The following SERINC5 variants were observed in gnomAD, a reference collection of about 807,000 sequenced individuals.
SERINC5 encodes the protein chromosome 5 open reading frame 12.
A neutral mutation model predicts 63.1 loss-of-function variants in SERINC5; 41 were observed. The observed-to-expected ratio is 0.65, with a 90% CI of 0.51 to 0.84. SERINC5 has a LOEUF of 0.84. Ranked by LOEUF, SERINC5 falls within the 40% of genes least tolerant of loss-of-function variation. The pLI is 0.00. For missense variants in SERINC5, 523 were observed against 573.0 expected, an observed-to-expected ratio of 0.91 and a Z score of 0.89; for synonymous variants, 222 against 215.2, an observed-to-expected ratio of 1.03 and a Z score of -0.28.
At chr5:80,119,486 A>T (rs1744458202) in intron 11 of SERINC5, among the ~76,000 whole-genome samples, 1 of 152,242 alleles carries the variant, frequency 6.6e-6, no homozygotes, top group African/African-American at 2.4e-5. Context: ...GTCAGCAGAG[A>T]ACAGGGCCAC....
At chr5:80,129,897 G>A (rs554472249) in intron 11 of SERINC5, among the ~76,000 whole-genome samples, 135 of 152,254 alleles carry the variant, frequency 8.9e-4, no homozygotes, top group Non-Finnish European at 1.5e-3. Context: ...AAATGTGCCA[G>A]GCAATTTAAG....
chr5:80,150,361 C>A (rs888471973), intron 9 of SERINC5, among the ~76,000 whole-genome samples: 2 of 152,204 alleles, frequency 1.3e-5, no homozygotes, highest in Admixed American at 6.5e-5. Context: ...AGCTTTCTTA[C>A]AGAAAATCAA....
At chr5:80,167,613 T>C (rs146049810) in intron 6 of SERINC5, among the ~76,000 whole-genome samples, 28 of 152,278 alleles carry the variant, frequency 1.8e-4, no homozygotes, top group South Asian at 8.3e-4. Flanking sequence ...CTAATGATAG[T>C]TTTGTTTTTA....
intron 1 of SERINC5, among the ~76,000 whole-genome samples, chr5:80,213,151 C>T (rs571532752): frequency 6.6e-6 from 1 of 150,524 alleles, no homozygotes; most frequent in Non-Finnish European, 1.5e-5. Flanking sequence ...GAGGCTGAGG[C>T]AGGAGAATCG....
At chr5:80,198,867 A>G (rs1277712082) in intron 2 of SERINC5, among the ~76,000 whole-genome samples, 1 of 152,220 alleles carries the variant, frequency 6.6e-6, no homozygotes, top group Non-Finnish European at 1.5e-5. Context: ...ATTTGTAAAT[A>G]GGTACATTCA....
At chr5:80,159,242 T>C (rs1746732714) in intron 7 of SERINC5, among the ~76,000 whole-genome samples, 1 of 151,822 alleles carries the variant, frequency 6.6e-6, no homozygotes, top group Admixed American at 6.6e-5. Flanking sequence ...AAGGAAAGAG[T>C]CTTGCTCGAA....
At chr5:80,190,675 T>G (rs545027049) in intron 2 of SERINC5, among the ~76,000 whole-genome samples, 18 of 152,222 alleles carry the variant, frequency 1.2e-4, no homozygotes, top group Non-Finnish European at 2.5e-4. Context: ...AGTATTTTCA[T>G]GGTTAATTCG....
intron 2 of SERINC5, among the ~76,000 whole-genome samples, chr5:80,201,103 C>A (rs199856068): frequency 6.6e-6 from 1 of 151,652 alleles, no homozygotes; most frequent in Non-Finnish European, 1.5e-5. Context: ...CATCCACCAC[C>A]CCCCCACAAA....
intron 2 of SERINC5, among the ~76,000 whole-genome samples, chr5:80,196,342 T>TA (rs1382669421): frequency 2.0e-5 from 3 of 151,556 alleles, no homozygotes; most frequent in Non-Finnish European, 2.9e-5. Context: ...GCGACTAAAA[T>TA]AAAAAAAAGA....
At chr5:80,241,425 C>T (rs557120135) in intron 1 of SERINC5, among the ~76,000 whole-genome samples, 5 of 152,022 alleles carry the variant, frequency 3.3e-5, no homozygotes, top group Non-Finnish European at 7.4e-5. Flanking sequence ...GCCAAAATCG[C>T]GCCACTGCAC....
chr5:80,161,683 G>A (rs530188490), intron 7 of SERINC5, among the ~76,000 whole-genome samples: 5 of 152,198 alleles, frequency 3.3e-5, no homozygotes, highest in Non-Finnish European at 7.4e-5. Context: ...TATTTCTTTT[G>A]CTGTACAGAA....
intron 1 of SERINC5, among the ~76,000 whole-genome samples, chr5:80,236,796 G>A (rs1360730935): frequency 6.6e-5 from 10 of 151,872 alleles, no homozygotes; most frequent in Admixed American, 6.6e-4. Context: ...CAAAGTGCTG[G>A]GATTACAGGC....
At position 80,184,549 on chromosome 5, in the gene SERINC5, A is replaced by G. The variant is rs191012979; in HGVS notation, c.196-6485T>C. On this transcript the variant is annotated intron_variant, in intron 2 of 11. Transcript: ENST00000507668. ...TTGACACTGTATATTCATCAAAAAC[A>G]GGTAAACAACCCCCCTGCTCCAAAT... 6.1e-3 allele frequency among the ~76,000 whole-genome samples: 931 copies of G among 152,310 alleles called. 8 individuals carry two copies. The highest frequency in any genetic ancestry group is 0.01 in the Non-Finnish European group (713 of 68,026).
rs77143370 is a variant in SERINC5, at chr5:80,216,101, A to T, written c.28-13048T>A. Among the ~76,000 whole-genome samples, 874 of 152,292 alleles carry T rather than the reference A, an allele frequency of 5.7e-3. 6 individuals are homozygous for T. Among genetic ancestry groups the T allele is most frequent in the African/African-American group, 0.02 (836 of 41,546 alleles). ...AGGTTTGAGGTTGAGGGTAAACAAC[A>T]TCCCTTCTGACAGCTCAACAGAAAA... On this transcript the variant is annotated intron_variant, in intron 1 of 11. Coordinates refer to ENST00000507668, the MANE Select transcript of SERINC5 (RefSeq NM_001174072.3).
At chr5:80,175,621 C>T (rs527775564) in intron 4 of SERINC5, among the ~76,000 whole-genome samples, 9 of 152,006 alleles carry the variant, frequency 5.9e-5, no homozygotes, top group Non-Finnish European at 1.3e-4. Context: ...GCAATCCTAG[C>T]ACTTTGGGAG....
chr5:80,120,315 T>G (rs931199757), intron 11 of SERINC5, among the ~76,000 whole-genome samples: 3 of 152,208 alleles, frequency 2.0e-5, no homozygotes, highest in Non-Finnish European at 4.4e-5. Flanking sequence ...GGAACAGATA[T>G]GCCTCCTCCA....
intron 9 of SERINC5, among the ~76,000 whole-genome samples, chr5:80,149,362 G>A (rs182855909): frequency 2.1e-4 from 25 of 121,540 alleles, no homozygotes; most frequent in Admixed American, 8.3e-4. Flanking sequence ...TTAGGCAACA[G>A]AAAGAGTTGG....
chr5:80,222,403 G>C (rs1194113535), intron 1 of SERINC5, among the ~76,000 whole-genome samples: 1 of 152,222 alleles, frequency 6.6e-6, no homozygotes, highest in Admixed American at 6.5e-5. Context: ...CAAGTTAGGT[G>C]TCTACAAGGA....
At chr5:80,227,398 C>T (rs1435241815) in intron 1 of SERINC5, among the ~76,000 whole-genome samples, 1 of 152,182 alleles carries the variant, frequency 6.6e-6, no homozygotes, top group African/African-American at 2.4e-5. Flanking sequence ...TAAACTCTTT[C>T]CTGTGCTGCT....
Sources: gnomAD v4.1 joint callset for allele counts (sites outside exome capture counted in the v4.1 genomes callset) on GRCh38, gnomAD v4.1.1 for gene constraint, MANE v1.5 for transcripts, NCBI Gene and HGNC (gene_info 2026-07-23, HGNC 2026-07-21) for gene names.